GRAMD1B: variants seen among roughly 807,000 people sequenced by gnomAD.
GRAMD1B encodes the protein GRAM domain containing 1B, also known as protein Aster-B.
Under a neutral mutation model 99.7 loss-of-function variants are expected in GRAMD1B, and 37 were observed. The ratio of observed to expected loss-of-function variants is 0.37; its 90% CI spans 0.29 to 0.49. The LOEUF (loss-of-function observed/expected upper bound fraction) is 0.49, where lower values mean the gene tolerates loss of function less well. Among genes scored for constraint, GRAMD1B ranks in the 20% least tolerant of loss-of-function variants. The pLI, the probability that GRAMD1B is intolerant of heterozygous loss-of-function variation, is 0.98. For missense variants in GRAMD1B, 888 were observed against 1,009.2 expected (o/e 0.88, Z 1.63); for synonymous variants, 427 against 387.6 (o/e 1.10, Z -1.19).
At chr11:123,466,352 A>AGG (rs1950662234) in intron 1 of GRAMD1B, among the ~76,000 whole-genome samples, 1 of 132,824 alleles carries the variant, frequency 7.5e-6, no homozygotes, top group African/African-American at 3.0e-5. Context: ...GAAGGAAGGA[A>AGG]AGAAGGAAGG....
intron 4 of GRAMD1B, among the ~76,000 whole-genome samples, chr11:123,585,960 C>G (rs541780530): frequency 6.6e-6 from 1 of 152,286 alleles, no homozygotes; most frequent in African/African-American, 2.4e-5. Context: ...TCTGACTCCA[C>G]CCCTTTCCTT....
chr11:123,578,380 C>T, intron 3 of GRAMD1B: 1 of 1,516,748 alleles, frequency 6.6e-7, no homozygotes. Context: ...CACCATTTCC[C>T]AAATACCTTC....
At chr11:123,391,165 C>T (rs376642500) in intron 1 of GRAMD1B, among the ~76,000 whole-genome samples, 2 of 152,270 alleles carry the variant, frequency 1.3e-5, no homozygotes, top group South Asian at 2.1e-4. Flanking sequence ...GCCCATAATC[C>T]CGCCACTTGC....
exon 1 of GRAMD1B, chr11:123,358,451 G>A (rs113150951): frequency 1.3e-5 from 2 of 152,206 alleles, no homozygotes; most frequent in African/African-American, 4.8e-5. Context: ...GAGACAGTGG[G>A]AGCTCCGAGC....
Position 123,430,584 on chromosome 11 carries a change from G to A in GRAMD1B, c.-209G>A, listed in dbSNP as rs1368191246. On this transcript the variant is annotated 5_prime_UTR_variant, in exon 1 of 20. Coordinates refer to ENST00000635736, the MANE Select transcript of GRAMD1B (RefSeq NM_001387025.1). Reference sequence around the variant, plus strand: ...CGGCGGCTGACGGCCCGGAGGACGCGCGCTCCGAAAAGTTAGACTCCGGGC... The same window carrying A: ...CGGCGGCTGACGGCCCGGAGGACGCACGCTCCGAAAAGTTAGACTCCGGGC... The A allele has an allele frequency of 2.2e-6, 1 of 449,136 alleles. No individual in the cohort carries two copies. The highest frequency in any genetic ancestry group is 4.4e-5 in the Admixed American group (1 of 22,876). 27.8% of individuals were successfully genotyped at this position (449,136 alleles called of 1,614,324 possible).
chr11:123,450,499 G>A (rs1565508605), intron 1 of GRAMD1B, among the ~76,000 whole-genome samples: 1 of 152,200 alleles, frequency 6.6e-6, no homozygotes, highest in African/African-American at 2.4e-5. Context: ...GTGGGGTAGA[G>A]AGACTGTCAG....
chr11:123,556,316 T>C (rs957613596), intron 2 of GRAMD1B, among the ~76,000 whole-genome samples: 6 of 152,258 alleles, frequency 3.9e-5, no homozygotes, highest in African/African-American at 1.2e-4. Flanking sequence ...TTTATTTTAT[T>C]AGTATGCAGG....
At position 123,626,994 on chromosome 11, in the gene GRAMD1B, CT is replaced by C. The variant is rs1370308485; in HGVS notation, c.*4400del. 6.6e-6 allele frequency: 1 copy of C among 152,298 alleles called. No homozygotes were observed. Among genetic ancestry groups the C allele is most frequent in the African/African-American group, 2.4e-5 (1 of 41,436 alleles). The allele number at this position is 152,298 out of a possible 1,614,324, so 9.4% of individuals were successfully genotyped here. A position where few individuals can be genotyped will look rare whatever the true frequency, so the allele number is the denominator to read the frequency against. Reference sequence around the variant, plus strand: ...CCATGGCTGTGAAGGGCCCAGCCAGCTCCCTGTTTTGATGTTCTGTGCAACA... The same window carrying C: ...CCATGGCTGTGAAGGGCCCAGCCAGCCCCTGTTTTGATGTTCTGTGCAACA... On this transcript the variant is annotated 3_prime_UTR_variant, in exon 20 of 20. Coordinates refer to ENST00000635736, the MANE Select transcript of GRAMD1B (RefSeq NM_001387025.1).
At chr11:123,403,968 C>T (rs555118768) in intron 1 of GRAMD1B, among the ~76,000 whole-genome samples, 33 of 152,294 alleles carry the variant, frequency 2.2e-4, no homozygotes, top group African/African-American at 6.7e-4. Flanking sequence ...GTTCACCTTA[C>T]GTGTCTTTCT....
At chr11:123,462,988 T>G (rs1264144654) in intron 1 of GRAMD1B, among the ~76,000 whole-genome samples, 2 of 151,700 alleles carry the variant, frequency 1.3e-5, no homozygotes, top group African/African-American at 4.8e-5. Context: ...TCTTATTTTC[T>G]TCATCTTTAT....
intron 2 of GRAMD1B, among the ~76,000 whole-genome samples, chr11:123,512,293 AG>A (rs1422134904): frequency 6.6e-6 from 1 of 152,080 alleles, no homozygotes; most frequent in Non-Finnish European, 1.5e-5. Context: ...CTAGCTCTTG[AG>A]GTTGTAGGTG....
intron 2 of GRAMD1B, among the ~76,000 whole-genome samples, chr11:123,513,585 C>T (rs1471463192): frequency 8.6e-4 from 61 of 71,308 alleles, no homozygotes; most frequent in African/African-American, 3.7e-3. Context: ...TCCTTTCCTT[C>T]CTTCCTTCCT....
At chr11:123,616,148 C>T (rs1954349360) in intron 17 of GRAMD1B, among the ~76,000 whole-genome samples, 2 of 152,060 alleles carry the variant, frequency 1.3e-5, no homozygotes, top group Non-Finnish European at 2.9e-5. Context: ...ATGGTGAAAC[C>T]CCGTCTCTAC....
At chr11:123,368,258 C>CAAAAAAA (rs1024340450) in intron 1 of GRAMD1B, among the ~76,000 whole-genome samples, 4 of 88,242 alleles carry the variant, frequency 4.5e-5, no homozygotes, top group East Asian at 3.8e-4. Flanking sequence ...CATCTTAAAA[C>CAAAAAAA]AAAAAAAAAA....
At chr11:123,541,752 A>G (rs1944554655) in intron 2 of GRAMD1B, among the ~76,000 whole-genome samples, 14 of 152,088 alleles carry the variant, frequency 9.2e-5, no homozygotes, top group Admixed American at 9.2e-4. Flanking sequence ...CTTTTCCTGT[A>G]TGGTTTCTAC....
At chr11:123,560,326 A>T (rs1946599202) in intron 2 of GRAMD1B, 1 of 1,156,886 alleles carries the variant, frequency 8.6e-7, no homozygotes, top group Non-Finnish European at 1.1e-6. Flanking sequence ...AGGCAGAGAG[A>T]GAGAGGGACT....
intron 2 of GRAMD1B, among the ~76,000 whole-genome samples, chr11:123,531,191 G>A (rs1017657407): frequency 6.6e-6 from 1 of 152,170 alleles, no homozygotes; most frequent in Non-Finnish European, 1.5e-5. Context: ...TGTGGGATGG[G>A]AATTGGAGTT....
intron 2 of GRAMD1B, among the ~76,000 whole-genome samples, chr11:123,503,959 G>T (rs1331241347): frequency 6.6e-6 from 1 of 152,150 alleles, no homozygotes; most frequent in Non-Finnish European, 1.5e-5. Context: ...GCTTAGAGAA[G>T]TTTCATAACT....
chr11:123,447,289 G>A (rs1949687092), intron 1 of GRAMD1B, among the ~76,000 whole-genome samples: 2 of 152,178 alleles, frequency 1.3e-5, no homozygotes, highest in African/African-American at 4.8e-5. Context: ...GATGGGATTT[G>A]TGAAATTATT....
Sources: gnomAD v4.1 joint callset for allele counts (sites outside exome capture counted in the v4.1 genomes callset) on GRCh38, gnomAD v4.1.1 for gene constraint, MANE v1.5 for transcripts, NCBI Gene and HGNC (gene_info 2026-07-23, HGNC 2026-07-21) for gene names.